EFCAB11: variants seen among roughly 807,000 people sequenced by gnomAD.
The protein encoded by EFCAB11 is EF-hand calcium binding domain 11.
Under a neutral mutation model 23.0 loss-of-function variants are expected in EFCAB11, and 14 were observed. That is an observed-to-expected ratio of 0.61 (90% CI 0.40 to 0.95). The LOEUF (loss-of-function observed/expected upper bound fraction) is 0.95, where lower values mean the gene tolerates loss of function less well. Ranked by LOEUF, EFCAB11 falls within the 40% of genes least tolerant of loss-of-function variation. The pLI is 0.00. For missense variants in EFCAB11, 198 were observed against 195.8 expected (o/e 1.01, Z -0.07); for synonymous variants, 65 against 66.6 (o/e 0.98, Z 0.11).
chr14:89,812,613 T>C (rs1171231800), intron 5 of EFCAB11, among the ~76,000 whole-genome samples: 2 of 152,290 alleles, frequency 1.3e-5, no homozygotes, highest in Middle Eastern at 3.4e-3. Flanking sequence ...AGGATAAATG[T>C]CCTGGAAAGG....
At chr14:89,931,402 G>T (rs2139809130) in intron 5 of EFCAB11, 139 bp downstream of exon 5, 1 of 775,394 alleles carries the variant, frequency 1.3e-6, no homozygotes. Context: ...TTCCCTCCTG[G>T]ACCATGACAC....
intron 3 of EFCAB11, among the ~76,000 whole-genome samples, chr14:89,941,046 C>G (rs1022743780): frequency 1.3e-5 from 2 of 152,172 alleles, no homozygotes; most frequent in Non-Finnish European, 2.9e-5. Context: ...GATGAAGCAA[C>G]AGCCTTACAA....
chr14:89,837,794 G>A (rs943654448), intron 5 of EFCAB11, among the ~76,000 whole-genome samples: 1 of 152,140 alleles, frequency 6.6e-6, no homozygotes, highest in African/African-American at 2.4e-5. Context: ...CATCTGCAAA[G>A]GGAAAAGAAT....
At chr14:89,818,729 A>C (rs572614466) in intron 5 of EFCAB11, among the ~76,000 whole-genome samples, 52 of 152,242 alleles carry the variant, frequency 3.4e-4, no homozygotes, top group Non-Finnish European at 6.6e-4. Flanking sequence ...ATTTGAACAG[A>C]TACTTCACTA....
intron 5 of EFCAB11, among the ~76,000 whole-genome samples, chr14:89,913,865 G>A (rs1391916242): frequency 6.6e-6 from 1 of 152,178 alleles, no homozygotes; most frequent in Admixed American, 6.5e-5. Context: ...ATAGATCAGG[G>A]CTGCTTATCA....
At chr14:89,886,000 C>A (rs1170603037) in intron 5 of EFCAB11, among the ~76,000 whole-genome samples, 1 of 151,514 alleles carries the variant, frequency 6.6e-6, no homozygotes, top group Non-Finnish European at 1.5e-5. Context: ...ACTTACACTG[C>A]CAGACATCAA....
intron 5 of EFCAB11, among the ~76,000 whole-genome samples, chr14:89,857,871 C>T (rs1887803625): frequency 1.3e-5 from 2 of 152,058 alleles, no homozygotes; most frequent in South Asian, 2.1e-4. Context: ...TTATCTTATA[C>T]AAGAGAATAA....
At chr14:89,817,130 TTTA>T (rs1368613315) in intron 5 of EFCAB11, among the ~76,000 whole-genome samples, 8 of 152,090 alleles carry the variant, frequency 5.3e-5, no homozygotes, top group Admixed American at 2.0e-4. Context: ...AATAGGATAT[TTTA>T]TTATGTAAAA....
chr14:89,878,949 A>G (rs908938555), intron 5 of EFCAB11, among the ~76,000 whole-genome samples: 1 of 151,872 alleles, frequency 6.6e-6, no homozygotes, highest in African/African-American at 2.4e-5. Flanking sequence ...ACATTTCATT[A>G]TCTTAAAACA....
intron 5 of EFCAB11, among the ~76,000 whole-genome samples, chr14:89,799,911 C>T (rs1315731875): frequency 4.6e-5 from 7 of 152,232 alleles, no homozygotes; most frequent in East Asian, 3.9e-4. Context: ...TGTGGCTGGG[C>T]GTGGTGGCTC....
chr14:89,897,627 ATT>A (rs1293074035), intron 5 of EFCAB11, among the ~76,000 whole-genome samples: 2 of 152,240 alleles, frequency 1.3e-5, no homozygotes, highest in Non-Finnish European at 2.9e-5. Flanking sequence ...TAATGGTAAT[ATT>A]GTAGTTCTCG....
At chr14:89,865,452 C>CG (rs1888056553) in intron 5 of EFCAB11, among the ~76,000 whole-genome samples, 1 of 151,640 alleles carries the variant, frequency 6.6e-6, no homozygotes, top group Non-Finnish European at 1.5e-5. Flanking sequence ...GGATGCTATG[C>CG]GGGGAGAGAG....
rs1454525816 is a variant in EFCAB11 at position 89,796,845 on chromosome 14, G to T, written c.*398C>A. ...GCACCGTGGCCTGCAGTGTGGAGAG[G>T]GTAGGGGGCAAGAAGAGTGAGGAGG... On this transcript the variant is annotated 3_prime_UTR_variant, in exon 6 of 6. Transcript: ENST00000316738. 1 of 170,706 alleles carries T rather than the reference G, an allele frequency of 5.9e-6. No individual in the cohort carries two copies. The highest frequency in any genetic ancestry group is 1.6e-4 in the East Asian group (1 of 6,300). 10.6% of individuals were successfully genotyped at this position (170,706 alleles called of 1,614,324 possible). A position where few individuals can be genotyped will look rare whatever the true frequency, so the allele number is the denominator to read the frequency against.
intron 3 of EFCAB11, among the ~76,000 whole-genome samples, chr14:89,939,446 A>G (rs578044027): frequency 6.6e-6 from 1 of 152,362 alleles, no homozygotes; most frequent in East Asian, 1.9e-4. Flanking sequence ...TGGACAGCAC[A>G]GAAGAGGGTC....
intron 5 of EFCAB11, among the ~76,000 whole-genome samples, chr14:89,867,592 T>C (rs1305749796): frequency 6.6e-6 from 1 of 152,250 alleles, no homozygotes; most frequent in Non-Finnish European, 1.5e-5. Flanking sequence ...TTTATTTCAC[T>C]TTATCCTACG....
intron 5 of EFCAB11, among the ~76,000 whole-genome samples, chr14:89,871,945 C>T (rs1294353739): frequency 6.6e-6 from 1 of 152,186 alleles, no homozygotes; most frequent in Non-Finnish European, 1.5e-5. Flanking sequence ...TTCTCCAGAT[C>T]CCACTGCAGC....
intron 5 of EFCAB11, among the ~76,000 whole-genome samples, chr14:89,833,988 G>GT (rs1886969659): frequency 2.0e-5 from 3 of 152,074 alleles, no homozygotes; most frequent in Non-Finnish European, 1.5e-5. Flanking sequence ...AGCTATTATG[G>GT]TTTTTTCCCC....
intron 3 of EFCAB11, among the ~76,000 whole-genome samples, chr14:89,937,753 C>T (rs960121841): frequency 2.0e-5 from 3 of 151,954 alleles, no homozygotes; most frequent in African/African-American, 7.3e-5. Context: ...CTCGAACTCC[C>T]GACTTTGTGA....
chr14:89,949,452 C>A, intron 3 of EFCAB11, among the ~76,000 whole-genome samples: 1 of 152,134 alleles, frequency 6.6e-6, no homozygotes, highest in East Asian at 1.9e-4. Flanking sequence ...GCAATCTCTA[C>A]CTCCTCAGTT....
Sources: allele counts gnomAD v4.1 joint callset (sites outside exome capture counted in the v4.1 genomes callset), GRCh38; gene constraint gnomAD v4.1.1; transcripts MANE v1.5; gene names NCBI Gene and HGNC (gene_info 2026-07-23, HGNC 2026-07-21).